The following PLCG1 variants were observed in gnomAD, a reference collection of about 807,000 sequenced individuals.
PLCG1 encodes the protein 1-phosphatidylinositol 4,5-bisphosphate phosphodiesterase gamma-1.
A neutral mutation model predicts 177.8 loss-of-function variants in PLCG1; 71 were observed. That is an observed-to-expected ratio of 0.40 (90% confidence interval 0.33 to 0.49). The LOEUF is 0.49. Ranked by LOEUF, PLCG1 falls within the 20% of genes least tolerant of loss-of-function variation. PLCG1 has a pLI of 0.72. For synonymous variants in PLCG1, 658 were observed against 647.9 expected (o/e 1.02, Z -0.24); for missense variants, 1,281 against 1,709.0 (o/e 0.75, Z 4.42).
rs184072600 is a variant in PLCG1, at chr20:41,175,151, T to C, written c.*642T>C. 5.9e-5 allele frequency: 9 copies of C among 152,864 alleles called. No individual in the cohort carries two copies. The highest frequency in any genetic ancestry group is 2.2e-4 in the African/African-American group (9 of 41,546). The allele number at this position is 152,864 out of a possible 1,614,324, so 9.5% of individuals were successfully genotyped here. On this transcript the variant is annotated 3_prime_UTR_variant, in exon 32 of 32. Coordinates refer to ENST00000685551, the MANE Select transcript of PLCG1 (RefSeq NM_002660.3). ...GATCATGTTAAAAATAGCAGTATTA[T>C]TTTTCGTCTCAATGGTATTGTAACT...
Position 41,164,940 on chromosome 20 carries a change from G to A in PLCG1, c.1225G>A (p.Val409Ile), listed in dbSNP as rs2035630550. 4.3e-6 allele frequency: 7 copies of A among 1,613,848 alleles called. No homozygotes were observed. Among genetic ancestry groups the A allele is most frequent in the Non-Finnish European group, 5.9e-6 (7 of 1,179,796 alleles). Residue 409 changes from valine (V) to isoleucine (I), a missense_variant, in exon 13 of 32, where the codon GTC becomes ATC. Transcript: ENST00000685551. The surrounding 1 kb of genome is among the most constrained non-coding windows in gnomAD (Gnocchi z 6.4). ...EHAFVASEYP[V>I]ILSIEDHCSI... ...TTGTCCCCCATCCCGCAGGTACCCA[G>A]TCATCCTGTCCATTGAGGACCACTG...
chr20:41,140,045 A>G (rs1434796255), intron 1 of PLCG1, among the ~76,000 whole-genome samples: 2 of 152,120 alleles, frequency 1.3e-5, no homozygotes, highest in South Asian at 4.1e-4. Flanking sequence ...ATCATGCCTC[A>G]TGTATTTGGG....
chr20:41,172,133 G>T lies in PLCG1; in HGVS notation c.2809-60G>T, dbSNP rs751036772. 37 of 1,367,812 alleles carry T rather than the reference G, an allele frequency of 2.7e-5. No individual in the cohort carries two copies. The highest frequency in any genetic ancestry group is 3.8e-5 in the Non-Finnish European group (36 of 955,306). 84.7% of individuals were successfully genotyped at this position (1,367,812 alleles called of 1,614,324 possible). ...GTGGGCATGCCCAAGGTTGGCAGGGGCTTCCTTCTCCTGGGCAGGGCTGTA... is the reference window on the plus strand; with the variant it reads ...GTGGGCATGCCCAAGGTTGGCAGGGTCTTCCTTCTCCTGGGCAGGGCTGTA... On this transcript the variant is annotated intron_variant, in intron 24 of 31. Coordinates refer to ENST00000685551, the MANE Select transcript of PLCG1 (RefSeq NM_002660.3). The surrounding 1 kb of genome is among the most constrained non-coding windows in gnomAD (Gnocchi z 7.0).
At chr20:41,170,560 G>A (rs1251183379) in intron 24 of PLCG1, 11 of 341,638 alleles carry the variant, frequency 3.2e-5, no homozygotes, top group Non-Finnish European at 4.9e-5. Flanking sequence ...TCCTGGGCTG[G>A]AAGCAGGAGT....
rs2035338498 is a variant in PLCG1 at position 41,156,890 on chromosome 20, G to C, written c.218-2716G>C. 6.6e-6 allele frequency among the ~76,000 whole-genome samples: 1 copy of C among 152,248 alleles called. No individual in the cohort carries two copies. Among genetic ancestry groups the C allele is most frequent in the Admixed American group, 6.5e-5 (1 of 15,292 alleles). On this transcript the variant is annotated intron_variant, in intron 1 of 31. Coordinates refer to ENST00000685551, the MANE Select transcript of PLCG1 (RefSeq NM_002660.3). The surrounding 1 kb of genome is among the most constrained non-coding windows in gnomAD (Gnocchi z 5.0). ...TCTCCTTGTGAATTTCTGGGGACCA[G>C]CTCTGGCTCTCTCAAGAAAGAGGAT... is the stretch of plus-strand genomic sequence containing the variant.
chr20:41,162,950 T>C lies in PLCG1; in HGVS notation c.682-8T>C, dbSNP rs1290488565. Reference sequence around the variant, plus strand: ...GGTCTTGCCCTGACCAGGTTCTGTTTCCTGCAGATGGACCTCCCCTTCTTG... The same window carrying C: ...GGTCTTGCCCTGACCAGGTTCTGTTCCCTGCAGATGGACCTCCCCTTCTTG... On this transcript the variant is annotated splice_region_variant and splice_polypyrimidine_tract_variant and intron_variant, in intron 6 of 31. Transcript: ENST00000685551. 1.2e-6 allele frequency: 2 copies of C among 1,613,822 alleles called. No individual in the cohort carries two copies. Among genetic ancestry groups the C allele is most frequent in the African/African-American group, 2.7e-5 (2 of 74,914 alleles).
At position 41,174,270 on chromosome 20, in the gene PLCG1, CCAGGAGCATCTCG is replaced by C; in HGVS notation, c.3796_3808del (p.Glu1266ThrfsTer67). On this transcript the variant is annotated frameshift_variant, in exon 31 of 32. Transcript: ENST00000685551. LOFTEE classifies it high-confidence loss of function. This position sits in a 1 kb window ranked among gnomAD's most constrained non-coding sequence, Gnocchi z 5.8. ...AGCCGTTTGAGGACTTCCGCATCTC[CCAGGAGCATCTCG>C]CAGACCATTTTGACAGTCGAGAACG... The C allele has an allele frequency of 1.9e-6, 3 of 1,614,222 alleles. No homozygotes were observed. Among genetic ancestry groups the C allele is most frequent in the Non-Finnish European group, 2.5e-6 (3 of 1,180,040 alleles).
Position 41,169,073 on chromosome 20 carries a change from C to T in PLCG1, c.2484-6C>T. ...GCTGGAGGTCAGCACCCTGTGGCTC[C>T]CACAGGTGGCGAGGGGACTACGGAG... is the stretch of plus-strand genomic sequence containing the variant. On this transcript the variant is annotated splice_region_variant and splice_polypyrimidine_tract_variant and intron_variant, in intron 21 of 31. Transcript: ENST00000685551. The T allele has an allele frequency of 6.2e-7, 1 of 1,611,876 alleles. No individual in the cohort carries two copies. The highest frequency in any genetic ancestry group is 8.5e-7 in the Non-Finnish European group (1 of 1,177,926).
intron 23 of PLCG1, 70 bp from the exon 24 acceptor site, chr20:41,170,042 C>CT: frequency 7.2e-7 from 1 of 1,388,548 alleles, no homozygotes; most frequent in Non-Finnish European, 1.0e-6. Flanking sequence ...GAGCCAGTGC[C>CT]TGCGGTGTGG....
In PLCG1 at chr20:41,173,822, C is replaced by T; in HGVS notation, c.3556+9C>T. Reference sequence around the variant, plus strand: ...AAAAGGCCTGAAGACAGGTGAGGACCATTCCTGGAGGCAGTGCCCCTGCAA... The same window carrying T: ...AAAAGGCCTGAAGACAGGTGAGGACTATTCCTGGAGGCAGTGCCCCTGCAA... On this transcript the variant is annotated intron_variant, in intron 29 of 31. Transcript: ENST00000685551. The surrounding 1 kb of genome is among the most constrained non-coding windows in gnomAD (Gnocchi z 6.2). The T allele has an allele frequency of 1.2e-6, 2 of 1,612,724 alleles. No homozygotes were observed. Among genetic ancestry groups the T allele is most frequent in the Middle Eastern group, 1.7e-4 (1 of 6,060 alleles).
chr20:41,169,735 G>A, intron 23 of PLCG1: 1 of 587,828 alleles, frequency 1.7e-6, no homozygotes. Flanking sequence ...CCTATGCCAG[G>A]CACTGGGGAA....
chr20:41,173,424 T>G lies in PLCG1; in HGVS notation c.3284T>G (p.Leu1095Arg). Reference sequence around the variant, plus strand: ...CCCTTCTTTGTCTGCCTACAGGTGCTGGGGGCCCGACATCTGCCAAAGAAT... The same window carrying G: ...CCCTTCTTTGTCTGCCTACAGGTGCGGGGGGCCCGACATCTGCCAAAGAAT... ...LEPCAISIEV[L>R]GARHLPKNGR... is the part of the protein sequence containing the mutation. Residue 1095 changes from leucine (L) to arginine (R), a missense_variant, in exon 28 of 32, where the codon CTG (leucine) becomes CGG (arginine). Physicochemically the swap from Leu to Arg is moderately radical, Grantham distance 102. Around this residue, in one of 4 missense-constraint regions of PLCG1, gnomAD observed 723 missense variants for 1,030.0 expected, o/e 0.70. Coordinates refer to ENST00000685551, the MANE Select transcript of PLCG1 (RefSeq NM_002660.3). This position sits in a 1 kb window ranked among gnomAD's most constrained non-coding sequence, Gnocchi z 6.2. 6.3e-7 allele frequency: 1 copy of G among 1,597,994 alleles called. No individual in the cohort carries two copies. Among genetic ancestry groups the G allele is most frequent in the African/African-American group, 1.3e-5 (1 of 74,886 alleles).
chr20:41,153,497 C>T lies in PLCG1; in HGVS notation c.218-6109C>T, dbSNP rs2035226831. ...TATTTTTTGCAGAGGTGGGGTCTTC[C>T]TCTGTTACCCAGATGGGTCTTGAAC... On this transcript the variant is annotated intron_variant, in intron 1 of 31. Transcript: ENST00000685551. The surrounding 1 kb of genome is among the most constrained non-coding windows in gnomAD (Gnocchi z 5.1). Among the ~76,000 whole-genome samples the T allele has an allele frequency of 6.6e-6, 1 of 152,082 alleles. No homozygotes were observed. The highest frequency in any genetic ancestry group is 2.4e-5 in the African/African-American group (1 of 41,396).
Position 41,170,291 on chromosome 20 carries a change from C to G in PLCG1, c.2808+22C>G, listed in dbSNP as rs374676913. 1.2e-5 allele frequency: 19 copies of G among 1,613,628 alleles called. No homozygotes were observed. In the African/African-American group the frequency reaches 2.4e-4, roughly 20 times the overall value. ...CAGGGTGAGATTCTGCTGGAACCTT[C>G]TGGGGGGCAGTGTGTGGGCCCGTCA... On this transcript the variant is annotated intron_variant, in intron 24 of 31. Transcript: ENST00000685551.
chr20:41,172,344 C>T lies in PLCG1; in HGVS notation c.2905+55C>T. ...ATGTGCCTGGAGGGCCTGGTGGGTG[C>T]AAAAAGAGTATTTAGGTATCCCCCC... On this transcript the variant is annotated intron_variant, in intron 25 of 31. Transcript: ENST00000685551. The surrounding 1 kb of genome is among the most constrained non-coding windows in gnomAD (Gnocchi z 7.0). 1 of 1,577,170 alleles carries T rather than the reference C, an allele frequency of 6.3e-7. No individual in the cohort carries two copies. The highest frequency in any genetic ancestry group is 8.7e-7 in the Non-Finnish European group (1 of 1,146,574).
In PLCG1 at chr20:41,168,756, C is replaced by G; in HGVS notation, c.2380-11C>G. 1 of 1,560,446 alleles carries G rather than the reference C, an allele frequency of 6.4e-7. No homozygotes were observed. Among genetic ancestry groups the G allele is most frequent in the South Asian group, 1.1e-5 (1 of 89,096 alleles). ...CCTTTCTGCTCTGACTGGTGCTTCT[C>G]ACCTCTGCAGTGTGCAGTCAAAGCC... On this transcript the variant is annotated splice_polypyrimidine_tract_variant and intron_variant, in intron 20 of 31. Transcript: ENST00000685551.
intron 1 of PLCG1, among the ~76,000 whole-genome samples, chr20:41,139,872 GT>G (rs1293527112): frequency 1.3e-5 from 2 of 152,132 alleles, no homozygotes; most frequent in Non-Finnish European, 2.9e-5. Flanking sequence ...AAACAGTTTT[GT>G]TTTGCCCCAA....
chr20:41,167,550 G>C lies in PLCG1; in HGVS notation c.2302-302G>C. 3 of 388,026 alleles carry C rather than the reference G, an allele frequency of 7.7e-6. No homozygotes were observed. The Admixed American group carries it at 1.2e-4, about 15-fold the overall frequency. 24.0% of individuals were successfully genotyped at this position (388,026 alleles called of 1,614,324 possible). On this transcript the variant is annotated intron_variant, in intron 19 of 31. Transcript: ENST00000685551. The surrounding 1 kb of genome is among the most constrained non-coding windows in gnomAD (Gnocchi z 4.4). ...CACTGAACTAAAGCACTGAATATGG[G>C]TAGTCTGTGAAGGGCCCACCTGCAC...
rs33943601 is a variant in PLCG1, at chr20:41,172,488, C to T, written c.2973C>T (p.Tyr991=). Residue 991 remains tyrosine, a synonymous_variant, in exon 26 of 32, where the codon TAC becomes TAT. Transcript: ENST00000685551. The surrounding 1 kb of genome is among the most constrained non-coding windows in gnomAD (Gnocchi z 7.0). The stretch of plus-strand genomic sequence containing the variant: ...TCCCGGAAACCAAGGCTGAGAAATA[C>T]GTGAACAAGGCCAAAGGCAAGAAGT... The part of the protein sequence containing the change: ...SSFPETKAEK[Y]VNKAKGKKFL... 0.017 allele frequency: 27,176 copies of T among 1,614,128 alleles called. 303 individuals carry two copies. The highest frequency in any genetic ancestry group is 0.02 in the Non-Finnish European group (23,126 of 1,179,960).
Sources: allele counts gnomAD v4.1 joint callset (sites outside exome capture counted in the v4.1 genomes callset), GRCh38; gene constraint gnomAD v4.1.1; regional missense constraint gnomAD v4.1.1; non-coding constraint Gnocchi (gnomAD v3.1); transcripts MANE v1.5; gene names NCBI Gene and HGNC (gene_info 2026-07-23, HGNC 2026-07-21).